The following SMAD6 variants were observed in gnomAD, a reference collection of about 807,000 sequenced individuals.
The protein encoded by SMAD6 is MAD homolog 6.
In SMAD6, 103 loss-of-function variants were observed where a neutral mutation model predicts 39.4. The observed-to-expected ratio is 2.62, with a 90% confidence interval of 2.23 to 3.08. The LOEUF (loss-of-function observed/expected upper bound fraction) is 3.08, where lower values mean the gene tolerates loss of function less well. SMAD6 is among the 30% of genes most tolerant of loss of function. SMAD6 has a pLI of 0.00. For missense variants in SMAD6, 1,104 were observed against 742.9 expected, an observed-to-expected ratio of 1.49 and a Z score of -5.65; for synonymous variants, 445 against 353.3, an observed-to-expected ratio of 1.26 and a Z score of -2.91.
chr15:66,781,587 C>A lies in SMAD6; in HGVS notation c.*52C>A. Reference sequence around the variant, plus strand: ...GGGAGGCCGCGGCCACCGCCACCTGCCGGCCTCGAGAGGGGCCGATGCCCA... The same window carrying A: ...GGGAGGCCGCGGCCACCGCCACCTGACGGCCTCGAGAGGGGCCGATGCCCA... On this transcript the variant is annotated 3_prime_UTR_variant, in exon 4 of 4. Transcript: ENST00000288840. 1 of 1,397,498 alleles carries A rather than the reference C, an allele frequency of 7.2e-7. No individual in the cohort carries two copies. 86.6% of individuals were successfully genotyped at this position (1,397,498 alleles called of 1,614,324 possible). A position where few individuals can be genotyped will look rare whatever the true frequency, so the allele number is the denominator to read the frequency against.
In SMAD6 at chr15:66,781,836, CTTCCTCT is replaced by C; in HGVS notation, c.*303_*309del. On this transcript the variant is annotated 3_prime_UTR_variant, in exon 4 of 4. Coordinates refer to ENST00000288840, the MANE Select transcript of SMAD6 (RefSeq NM_005585.5). ...CAGATATATTTTCTTTCTCTTCCTC[CTTCCTCT>C]TCCTTACTTTTTATATATATATATA... is the stretch of plus-strand genomic sequence containing the variant. 5.0e-6 allele frequency: 2 copies of C among 398,706 alleles called. No homozygotes were observed. The highest frequency in any genetic ancestry group is 8.8e-6 in the Non-Finnish European group (2 of 226,044). The allele number at this position is 398,706 out of a possible 1,614,324, so 24.7% of individuals were successfully genotyped here. A position where few individuals can be genotyped will look rare whatever the true frequency, so the allele number is the denominator to read the frequency against.
chr15:66,780,760 C>G (rs1011166499), intron 3 of SMAD6, among the ~76,000 whole-genome samples: 4 of 152,220 alleles, frequency 2.6e-5, no homozygotes, highest in Admixed American at 2.0e-4. Flanking sequence ...CTGGCTTGCA[C>G]TCTGTGGCTC....
chr15:66,743,309 C>G (rs545926697), intron 3 of SMAD6, among the ~76,000 whole-genome samples: 71 of 152,248 alleles, frequency 4.7e-4, no homozygotes, highest in African/African-American at 1.7e-3. Context: ...AAGGCTGACT[C>G]GGACTGCATT....
chr15:66,703,777 A>T lies in SMAD6; in HGVS notation c.519A>T (p.Lys173Asn), dbSNP rs1354798920. Residue 173 changes from lysine (K) to asparagine (N), a missense_variant, in exon 1 of 4, where the codon AAA becomes AAT. Transcript: ENST00000288840. ...SRLLLLEQELKTVTYSLLKRL... is the reference protein window; with the variant it reads ...SRLLLLEQELNTVTYSLLKRL... ...TGCTGCTGCTGGAGCAGGAACTCAA[A>T]ACCGTCACGTACTCGCTGCTGAAGC... 1 of 1,433,266 alleles carries T rather than the reference A, an allele frequency of 7.0e-7. No individual in the cohort carries two copies. The highest frequency in any genetic ancestry group is 9.2e-7 in the Non-Finnish European group (1 of 1,082,160). 88.8% of individuals were successfully genotyped at this position (1,433,266 alleles called of 1,614,324 possible).
chr15:66,711,513 T>C (rs962965309), intron 1 of SMAD6, among the ~76,000 whole-genome samples, 155 bp from the exon 2 acceptor site: 34 of 152,300 alleles, frequency 2.2e-4, no homozygotes, highest in African/African-American at 7.9e-4. Flanking sequence ...CGGCTTTAAC[T>C]GTTGAGGGGA....
At position 66,703,333 on chromosome 15, in the gene SMAD6, C is replaced by G. The variant is rs755856670; in HGVS notation, c.75C>G (p.Gly25=). ...GTGTGGTCCCCGACCGGGAGGAAGG[C>G]GGCAGCGGCGGCGGCGGTGGCGGCG... ...RSRVVPDREE[G]GSGGGGGGDE... Residue 25 remains glycine (G), a synonymous_variant, in exon 1 of 4, where the codon GGC becomes GGG. Transcript: ENST00000288840. 1.3e-6 allele frequency: 2 copies of G among 1,482,846 alleles called. No individual in the cohort carries two copies. Among genetic ancestry groups the G allele is most frequent in the Non-Finnish European group, 1.8e-6 (2 of 1,115,452 alleles). 91.9% of individuals were successfully genotyped at this position (1,482,846 alleles called of 1,614,324 possible).
intron 3 of SMAD6, among the ~76,000 whole-genome samples, chr15:66,778,965 T>G (rs1236374678): frequency 6.6e-6 from 1 of 152,198 alleles, no homozygotes; most frequent in African/African-American, 2.4e-5. Context: ...CCTGACACAC[T>G]CGTGGAATTC....
At chr15:66,775,230 C>A (rs115936933) in intron 3 of SMAD6, among the ~76,000 whole-genome samples, 217 of 152,226 alleles carry the variant, frequency 1.4e-3, no homozygotes, top group African/African-American at 5.1e-3. Flanking sequence ...GGAAACACAC[C>A]GCGAACCCTG....
rs1186247956 is a variant in SMAD6, at chr15:66,747,382, G to A, written c.952+30884G>A. 6.6e-6 allele frequency among the ~76,000 whole-genome samples: 1 copy of A among 152,258 alleles called. No individual in the cohort carries two copies. The highest frequency in any genetic ancestry group is 1.5e-5 in the Non-Finnish European group (1 of 68,040). On this transcript the variant is annotated intron_variant, in intron 3 of 3. Transcript: ENST00000288840. This position sits in a 1 kb window ranked among gnomAD's most constrained non-coding sequence, Gnocchi z 4.5. Reference sequence around the variant, plus strand: ...TGATTTGGACTGCCTCCGTCAGCAGGAGGCTCTGGCCAGACTCTGCTTCCC... The same window carrying A: ...TGATTTGGACTGCCTCCGTCAGCAGAAGGCTCTGGCCAGACTCTGCTTCCC...
intron 3 of SMAD6, among the ~76,000 whole-genome samples, chr15:66,780,575 A>ACTTC (rs2140680409): frequency 6.6e-6 from 1 of 152,276 alleles, no homozygotes; most frequent in African/African-American, 2.4e-5. Flanking sequence ...GTGTGCTGTG[A>ACTTC]AGAGTAAGAA....
chr15:66,745,035 C>G (rs1014059061), intron 3 of SMAD6, among the ~76,000 whole-genome samples: 2 of 152,164 alleles, frequency 1.3e-5, no homozygotes, highest in African/African-American at 2.4e-5. Flanking sequence ...AAGCCTGCCC[C>G]CCACCAGGTG....
rs891812745 is a variant in SMAD6 at position 66,703,228 on chromosome 15, C to G, written c.-31C>G. On this transcript the variant is annotated 5_prime_UTR_variant, in exon 1 of 4. Coordinates refer to ENST00000288840, the MANE Select transcript of SMAD6 (RefSeq NM_005585.5). ...GACCCCCGGTAACCGGAGACCGCCTCCCCCCCACCCCTGGCGCCAAAGGAT... is the reference window on the plus strand; with the variant it reads ...GACCCCCGGTAACCGGAGACCGCCTGCCCCCCACCCCTGGCGCCAAAGGAT... The G allele has an allele frequency of 1.5e-6, 2 of 1,341,550 alleles. No individual in the cohort carries two copies. Among genetic ancestry groups the G allele is most frequent in the Admixed American group, 3.7e-5 (1 of 26,786 alleles). The allele number at this position is 1,341,550 out of a possible 1,614,324, so 83.1% of individuals were successfully genotyped here.
intron 3 of SMAD6, among the ~76,000 whole-genome samples, chr15:66,774,704 C>G (rs1894435857): frequency 6.6e-6 from 1 of 152,152 alleles, no homozygotes; most frequent in Non-Finnish European, 1.5e-5. Flanking sequence ...CAGGGTGTGG[C>G]TTTTTACAGC....
At chr15:66,744,977 G>A (rs539014588) in intron 3 of SMAD6, among the ~76,000 whole-genome samples, 1 of 152,234 alleles carries the variant, frequency 6.6e-6, no homozygotes, top group Admixed American at 6.5e-5. Flanking sequence ...GTCAAGATGG[G>A]GACTGGGAGA....
intron 3 of SMAD6, among the ~76,000 whole-genome samples, chr15:66,726,904 T>C (rs964036130): frequency 6.6e-6 from 1 of 151,928 alleles, no homozygotes; most frequent in African/African-American, 2.4e-5. Flanking sequence ...GTGACTCTAA[T>C]GCGCAGCCTG....
chr15:66,763,865 G>A (rs570260865), intron 3 of SMAD6, among the ~76,000 whole-genome samples: 24 of 152,356 alleles, frequency 1.6e-4, no homozygotes, highest in African/African-American at 4.3e-4. Context: ...CCTAGGCAAC[G>A]CTGCTTCTTG....
intron 3 of SMAD6, among the ~76,000 whole-genome samples, chr15:66,723,484 C>T (rs1014334791): frequency 2.0e-5 from 3 of 151,942 alleles, no homozygotes; most frequent in Admixed American, 1.3e-4. Flanking sequence ...TGAGACCAGC[C>T]GGGGGCAACA....
At chr15:66,771,292 A>G (rs1465786531) in intron 3 of SMAD6, among the ~76,000 whole-genome samples, 1 of 152,174 alleles carries the variant, frequency 6.6e-6, no homozygotes, top group Non-Finnish European at 1.5e-5. Flanking sequence ...ACCTGGGTGA[A>G]TAAAAAGCTT....
intron 3 of SMAD6, chr15:66,717,236 G>T: frequency 1.2e-6 from 1 of 836,180 alleles, no homozygotes; most frequent in Non-Finnish European, 1.7e-6. Context: ...TGGCATGCTG[G>T]CTGGGACTGA....
Sources: gnomAD v4.1 joint callset for allele counts (sites outside exome capture counted in the v4.1 genomes callset) on GRCh38, gnomAD v4.1.1 for gene constraint, Gnocchi (gnomAD v3.1) non-coding constraint, MANE v1.5 for transcripts, NCBI Gene and HGNC (gene_info 2026-07-23, HGNC 2026-07-21) for gene names.